Variants in GRK3 observed in about 807,000 individuals in gnomAD.
GRK3 encodes adrenergic, beta, receptor kinase 2.
In GRK3, 54 loss-of-function variants were observed where a neutral mutation model predicts 95.7. The ratio of observed to expected loss-of-function variants is 0.56; its 90% CI spans 0.45 to 0.71. The LOEUF (loss-of-function observed/expected upper bound fraction) is 0.71. Ranked by LOEUF, GRK3 falls within the 30% of genes least tolerant of loss-of-function variation. GRK3 has a pLI of 0.00. For synonymous variants in GRK3, 281 were observed against 290.8 expected (o/e 0.97, Z 0.34); for missense variants, 649 against 851.2 (o/e 0.76, Z 2.96).
chr22:25,662,637 A>G (rs943668884), intron 4 of GRK3, among the ~76,000 whole-genome samples: 4 of 152,178 alleles, frequency 2.6e-5, no homozygotes, highest in African/African-American at 4.8e-5. Context: ...CCTTGGACCC[A>G]CCTGGCTTGA....
chr22:25,624,576 CA>C (rs2084613152), intron 2 of GRK3, among the ~76,000 whole-genome samples: 2 of 151,792 alleles, frequency 1.3e-5, no homozygotes, highest in Non-Finnish European at 2.9e-5. Flanking sequence ...AAAACAAAAA[CA>C]AAAACAAAAA....
intron 18 of GRK3, among the ~76,000 whole-genome samples, chr22:25,714,890 T>C (rs748574711): frequency 2.0e-5 from 3 of 152,116 alleles, no homozygotes; most frequent in Non-Finnish European, 4.4e-5. Flanking sequence ...GTTGGTGTCA[T>C]TGGTGTGTGC....
chr22:25,679,981 A>G (rs1328240370), intron 9 of GRK3, among the ~76,000 whole-genome samples: 3 of 152,176 alleles, frequency 2.0e-5, no homozygotes, highest in Non-Finnish European at 4.4e-5. Context: ...AGACCTAGAG[A>G]GGTTAATTTC....
intron 8 of GRK3, among the ~76,000 whole-genome samples, chr22:25,676,493 T>C (rs2877288): frequency 0.084 from 12,767 of 152,064 alleles, 615 homozygotes; most frequent in Middle Eastern, 0.16. Flanking sequence ...AGATCGAGAC[T>C]GTCCTGGCTA....
At chr22:25,571,321 A>G (rs1187125593) in intron 1 of GRK3, among the ~76,000 whole-genome samples, 1 of 152,186 alleles carries the variant, frequency 6.6e-6, no homozygotes, top group Non-Finnish European at 1.5e-5. Context: ...AGTCACTTAA[A>G]TTTGCTGTAT....
At chr22:25,661,112 C>A (rs2084906183) in intron 3 of GRK3, among the ~76,000 whole-genome samples, 1 of 152,160 alleles carries the variant, frequency 6.6e-6, no homozygotes, top group Non-Finnish European at 1.5e-5. Context: ...TTTGAAAAAT[C>A]TCTTTGCAGG....
intron 9 of GRK3, among the ~76,000 whole-genome samples, chr22:25,684,254 G>GT (rs1569193879): frequency 1.3e-5 from 2 of 152,166 alleles, no homozygotes; most frequent in African/African-American, 4.8e-5. Flanking sequence ...CTGAATTACT[G>GT]TTGCTTTCTA....
intron 2 of GRK3, among the ~76,000 whole-genome samples, chr22:25,643,481 C>T (rs549516782): frequency 6.6e-6 from 1 of 152,368 alleles, no homozygotes; most frequent in Middle Eastern, 3.4e-3. Flanking sequence ...ACAGCCACTT[C>T]CTTTTTCAGT....
At chr22:25,600,171 G>A (rs541726619) in intron 1 of GRK3, among the ~76,000 whole-genome samples, 14 of 149,272 alleles carry the variant, frequency 9.4e-5, no homozygotes, top group African/African-American at 2.7e-4. Context: ...TTTTGAGATG[G>A]AGTCTTGCTC....
chr22:25,678,757 G>A, intron 8 of GRK3, 59 bp from the exon 9 acceptor site: 1 of 1,048,004 alleles, frequency 9.5e-7, no homozygotes, highest in South Asian at 1.6e-5. Flanking sequence ...GACATATATT[G>A]TTTAAATTAG....
In GRK3 at chr22:25,564,740, G is replaced by C. The variant is rs1931368876; in HGVS notation, c.-301G>C. 2.0e-5 allele frequency: 3 copies of C among 151,234 alleles called. No homozygotes were observed. The highest frequency in any genetic ancestry group is 2.1e-4 in the South Asian group (1 of 4,818). 9.4% of individuals were successfully genotyped at this position (151,234 alleles called of 1,614,324 possible). On this transcript the variant is annotated 5_prime_UTR_variant, in exon 1 of 21. Coordinates refer to ENST00000324198, the MANE Select transcript of GRK3 (RefSeq NM_005160.4). ...TGTGCACTGAGGGGCGCTGACCGTTGGACGCGCGCTCCCCGCAGACCCTCG... is the reference window on the plus strand; with the variant it reads ...TGTGCACTGAGGGGCGCTGACCGTTCGACGCGCGCTCCCCGCAGACCCTCG...
intron 19 of GRK3, among the ~76,000 whole-genome samples, chr22:25,719,851 C>A (rs987474048): frequency 6.6e-6 from 1 of 152,174 alleles, no homozygotes; most frequent in Non-Finnish European, 1.5e-5. Context: ...ATGTATTTGA[C>A]TTTGGACTGT....
At chr22:25,675,378 AT>A (rs1182693470) in intron 8 of GRK3, among the ~76,000 whole-genome samples, 1 of 152,174 alleles carries the variant, frequency 6.6e-6, no homozygotes, top group Non-Finnish European at 1.5e-5. Context: ...GGAGGTCAGC[AT>A]TCAGAAACTA....
intron 9 of GRK3, among the ~76,000 whole-genome samples, chr22:25,683,012 A>C (rs2085086541): frequency 6.6e-6 from 1 of 152,238 alleles, no homozygotes; most frequent in Admixed American, 6.5e-5. Flanking sequence ...GTAGCTGTGC[A>C]GCAGAGGTCA....
intron 15 of GRK3, among the ~76,000 whole-genome samples, chr22:25,707,149 C>T (rs948682079): frequency 2.0e-5 from 3 of 152,274 alleles, no homozygotes; most frequent in Middle Eastern, 3.4e-3. Flanking sequence ...CTCTGTGTTC[C>T]TTTCCTGCCA....
At chr22:25,631,631 T>G (rs1298810480) in intron 2 of GRK3, among the ~76,000 whole-genome samples, 1 of 152,156 alleles carries the variant, frequency 6.6e-6, no homozygotes, top group African/African-American at 2.4e-5. Flanking sequence ...AGCAATTAGA[T>G]CTACAATTCT....
At chr22:25,626,882 G>C (rs749596409) in intron 2 of GRK3, among the ~76,000 whole-genome samples, 2 of 152,176 alleles carry the variant, frequency 1.3e-5, no homozygotes, top group Non-Finnish European at 2.9e-5. Context: ...TTAGTCTTTT[G>C]AGTCTTGAAG....
intron 8 of GRK3, among the ~76,000 whole-genome samples, chr22:25,676,549 G>A (rs1158219058): frequency 1.3e-5 from 2 of 152,024 alleles, no homozygotes; most frequent in African/African-American, 4.8e-5. Flanking sequence ...AAATTAGCTG[G>A]GAGTTGTCAT....
chr22:25,649,159 T>C, intron 3 of GRK3: 2 of 1,399,270 alleles, frequency 1.4e-6, no homozygotes, highest in Admixed American at 1.7e-5. Context: ...AGACCAACAT[T>C]TGAATATGTT....
Sources: gnomAD v4.1 joint callset for allele counts (sites outside exome capture counted in the v4.1 genomes callset) on GRCh38, gnomAD v4.1.1 for gene constraint, MANE v1.5 for transcripts, NCBI Gene and HGNC (gene_info 2026-07-23, HGNC 2026-07-21) for gene names.